ERN2: variants seen among roughly 807,000 people sequenced by gnomAD.
The protein encoded by ERN2 is endoplasmic reticulum to nucleus signaling 2, also known as serine/threonine-protein kinase/endoribonuclease IRE2.
Under a neutral mutation model 107.9 loss-of-function variants are expected in ERN2, and 111 were observed. The ratio of observed to expected loss-of-function variants is 1.03; its 90% CI spans 0.88 to 1.20. The LOEUF (loss-of-function observed/expected upper bound fraction) is 1.20, where lower values mean the gene tolerates loss of function less well. ERN2 is among the 50% of genes most tolerant of loss of function. ERN2 has a pLI of 0.00. For missense variants in ERN2, 1,225 were observed against 1,197.9 expected, an observed-to-expected ratio of 1.02 and a Z score of -0.33; for synonymous variants, 524 against 501.7, an observed-to-expected ratio of 1.04 and a Z score of -0.59.
chr16:23,696,263 G>A (rs1286756496), intron 13 of ERN2, among the ~76,000 whole-genome samples: 1 of 152,190 alleles, frequency 6.6e-6, no homozygotes, highest in Non-Finnish European at 1.5e-5. Context: ...ATTATTGTGA[G>A]GATTAAATGG....
intron 13 of ERN2, 48 bp from the exon 14 acceptor site, chr16:23,696,026 CCGGCCA>C: frequency 7.0e-7 from 1 of 1,431,936 alleles, no homozygotes. Context: ...CCCACCTTTG[CCGGCCA>C]CTGGCCCAGT....
Position 23,692,201 on chromosome 16 carries a change from A to G in ERN2, c.2231T>C (p.Leu744Pro). The change falls in exon 18 of 22, where the codon CTG (leucine) becomes CCG (proline). Residue 744 changes from leucine (L) to proline (P), a missense_variant. By Grantham distance (98) the Leu-to-Pro change is moderately conservative. Coordinates refer to ENST00000256797, the MANE Select transcript of ERN2 (RefSeq NM_033266.4). Reference sequence around the variant, plus strand: ...TCCCTCACCGTGGACCTCTTCCTCCAGGTGAGCCAGACAGGGAGCCCCTGT... The same window carrying G: ...TCCCTCACCGTGGACCTCTTCCTCCGGGTGAGCCAGACAGGGAGCCCCTGT... ...ILTGAPCLAHLEEEVHDKVVA... is the reference protein window; with the variant it reads ...ILTGAPCLAHPEEEVHDKVVA... 1 of 1,614,104 alleles carries G rather than the reference A, an allele frequency of 6.2e-7. No homozygotes were observed. Among genetic ancestry groups the G allele is most frequent in the South Asian group, 1.1e-5 (1 of 91,080 alleles).
intron 8 of ERN2, among the ~76,000 whole-genome samples, chr16:23,704,095 C>A (rs1032368875): frequency 6.6e-6 from 1 of 152,146 alleles, no homozygotes; most frequent in African/African-American, 2.4e-5. Context: ...AATAGATGAT[C>A]CCTGATTTTC....
chr16:23,700,554 G>A lies in ERN2; in HGVS notation c.1510C>T (p.Leu504Phe), dbSNP rs56001432. 4 of 1,613,066 alleles carry A rather than the reference G, an allele frequency of 2.5e-6. No individual in the cohort carries two copies. The highest frequency in any genetic ancestry group is 2.5e-6 in the Non-Finnish European group (3 of 1,179,514). Residue 504 changes from leucine (L) to phenylalanine (F), a missense_variant, in exon 13 of 22, where the codon CTC becomes TTC. Transcript: ENST00000256797. ...LQSPSKQAQP[L>F]DDPEAEQLTV... ...ACAGGCTCACCTTCAGGGTCGTCGA[G>A]TGGCTGGGCTTGCTTTGAGGGACTC... is the stretch of plus-strand genomic sequence containing the variant.
intron 11 of ERN2, among the ~76,000 whole-genome samples, chr16:23,701,656 A>G (rs563370747): frequency 7.2e-6 from 1 of 138,308 alleles, no homozygotes; most frequent in East Asian, 2.1e-4. Flanking sequence ...TTTTTTTTTG[A>G]GACAGGGTCT....
chr16:23,705,955 G>A (rs375622721), intron 7 of ERN2, among the ~76,000 whole-genome samples: 2 of 152,152 alleles, frequency 1.3e-5, no homozygotes, highest in African/African-American at 4.8e-5. Flanking sequence ...CTGGGGAGTC[G>A]GTCTATGGAA....
At position 23,711,011 on chromosome 16, in the gene ERN2, G is replaced by C; in HGVS notation, c.101C>G (p.Thr34Ser). ...LLGTLSPQVHTLRPENLLLVS... is the reference protein window; with the variant it reads ...LLGTLSPQVHSLRPENLLLVS... ...CAGCAGGAGGTTCTCTGGCCTGAGA[G>C]TATGAACCTGCAAGGGGGTAGAGAC... Residue 34 changes from threonine (T) to serine (S), a missense_variant, in exon 2 of 22, where the codon ACT (threonine) becomes AGT (serine). Transcript: ENST00000256797. 1.2e-6 allele frequency: 2 copies of C among 1,612,326 alleles called. No homozygotes were observed. Among genetic ancestry groups the C allele is most frequent in the Non-Finnish European group, 1.7e-6 (2 of 1,178,374 alleles).
Position 23,691,152 on chromosome 16 carries a change from G to C in ERN2, c.2545C>G (p.Leu849Val). 6.2e-7 allele frequency: 1 copy of C among 1,614,076 alleles called. No individual in the cohort carries two copies. The highest frequency in any genetic ancestry group is 8.5e-7 in the Non-Finnish European group (1 of 1,180,014). Residue 849 changes from leucine to valine, a missense_variant, in exon 21 of 22, where the codon CTG (leucine) becomes GTG (valine). By Grantham distance (32) the Leu-to-Val change is conservative (BLOSUM62 1). Coordinates refer to ENST00000256797, the MANE Select transcript of ERN2 (RefSeq NM_033266.4). Reference protein sequence around the residue: ...RSYKGTSVRDLLRAVRNKKHH... With the variant: ...RSYKGTSVRDVLRAVRNKKHH... ...ACCTTGTTCCTCACAGCACGGAGCA[G>C]GTCTCGCACTGATGTCCCCTTATAG...
At position 23,700,337 on chromosome 16, in the gene ERN2, CA is replaced by C. The variant is rs540553698; in HGVS notation, c.1525+201del. On this transcript the variant is annotated intron_variant, in intron 13 of 21. Transcript: ENST00000256797. ...GGGCAACAGAGCAAGATCCTGTCTCCAAAAAAATAATGATGAAAAAATGACA... is the reference window on the plus strand; with the variant it reads ...GGGCAACAGAGCAAGATCCTGTCTCCAAAAAATAATGATGAAAAAATGACA... Among the ~76,000 whole-genome samples, 753 of 151,848 alleles carry C rather than the reference CA, an allele frequency of 5.0e-3. 5 individuals are homozygous for C. Among genetic ancestry groups the C allele is most frequent in the Non-Finnish European group, 6.7e-3 (457 of 67,920 alleles).
chr16:23,712,906 T>C (rs1003845253), intron 1 of ERN2, 189 bp downstream of exon 1: 14 of 541,606 alleles, frequency 2.6e-5, no homozygotes, highest in East Asian at 1.0e-4. Context: ...TAGGTATTTG[T>C]TGGGGGCAAC....
intron 19 of ERN2, 119 bp from the exon 20 acceptor site, chr16:23,691,544 T>A: frequency 8.1e-7 from 1 of 1,234,008 alleles, no homozygotes; most frequent in Non-Finnish European, 1.1e-6. Context: ...TCTGGGGGCG[T>A]GAAGCTTCTC....
Position 23,694,913 on chromosome 16 carries a change from T to A in ERN2, c.1915A>T (p.Lys639Ter), listed in dbSNP as rs766820379. ...HSLHIVHRDL[K>*]PGNILITGPD... ...CCGGTGATGAGAATATTTCCTGGCT[T>A]CAGGTCCCGGTGCACTGTGGGAGAG... Residue 639 changes from lysine to a stop codon, truncating the protein, a stop_gained, in exon 17 of 22, where the codon AAG (lysine) becomes TAG (stop). Transcript: ENST00000256797. LOFTEE classifies it high-confidence loss of function. 6.2e-7 allele frequency: 1 copy of A among 1,614,180 alleles called. No homozygotes were observed. The highest frequency in any genetic ancestry group is 1.1e-5 in the South Asian group (1 of 91,080).
At chr16:23,706,516 G>C in intron 6 of ERN2, 85 bp from the exon 7 acceptor site, 1 of 1,015,632 alleles carries the variant, frequency 9.8e-7, no homozygotes, top group Non-Finnish European at 1.5e-6. Flanking sequence ...GCAGGAGTGG[G>C]GGTTTCCTGA....
intron 7 of ERN2, 105 bp downstream of exon 7, chr16:23,706,225 T>G: frequency 2.7e-6 from 2 of 752,566 alleles, no homozygotes; most frequent in South Asian, 3.9e-5. Context: ...CCTGGGGAGG[T>G]CAAGTGGGTC....
chr16:23,702,475 G>C lies in ERN2; in HGVS notation c.996C>G (p.Val332=). The part of the protein sequence containing the change: ...GPTTDEVTLQ[V]SGEREGSPST... Reference sequence around the variant, plus strand: ...TGGGTGAGCCCTCTCGCTCTCCTGAGACTTGGAGTGTCACCTCATCTGTGG... The same window carrying C: ...TGGGTGAGCCCTCTCGCTCTCCTGACACTTGGAGTGTCACCTCATCTGTGG... The change falls in exon 10 of 22, where the codon GTC becomes GTG. Residue 332 remains valine, a synonymous_variant. Coordinates refer to ENST00000256797, the MANE Select transcript of ERN2 (RefSeq NM_033266.4). The C allele has an allele frequency of 6.2e-7, 1 of 1,613,632 alleles. No individual in the cohort carries two copies. Among genetic ancestry groups the C allele is most frequent in the Admixed American group, 1.7e-5 (1 of 60,030 alleles).
chr16:23,713,000 C>G, intron 1 of ERN2, 95 bp downstream of exon 1: 1 of 942,974 alleles, frequency 1.1e-6, no homozygotes, highest in Non-Finnish European at 1.5e-6. Context: ...AGAGGTGCCC[C>G]CGTGGCCCCG....
chr16:23,692,257 T>A lies in ERN2; in HGVS notation c.2175A>T (p.Gly725=), dbSNP rs1188327374. 1.2e-6 allele frequency: 2 copies of A among 1,614,088 alleles called. No individual in the cohort carries two copies. Among genetic ancestry groups the A allele is most frequent in the South Asian group, 2.2e-5 (2 of 91,080 alleles). Residue 725 remains glycine, a synonymous_variant, in exon 18 of 22, where the codon GGA becomes GGT. Coordinates refer to ENST00000256797, the MANE Select transcript of ERN2 (RefSeq NM_033266.4). ...YVLSGGSHPF[G]DSLYRQANIL... ...TGTTTGCCTGGCGATAAAGACTGTC[T>A]CCAAAGGGGTGGCTGCCACCAGAAA...
At chr16:23,694,975 AG>A (rs769955300) in intron 16 of ERN2, 43 bp downstream of exon 16, 19 of 1,613,326 alleles carry the variant, frequency 1.2e-5, no homozygotes, top group Non-Finnish European at 1.4e-5. Context: ...GGCGGAAGGC[AG>A]GGGCTAAGGA....
rs1383287139 is a variant in ERN2 at position 23,702,175 on chromosome 16, G to T, written c.1180C>A (p.Gln394Lys). The T allele has an allele frequency of 6.2e-7, 1 of 1,613,874 alleles. No individual in the cohort carries two copies. The highest frequency in any genetic ancestry group is 1.3e-5 in the African/African-American group (1 of 74,914). ...ACCTCCAAGAAGAAGGCTGGGGCCT[G>T]GGTATTCTCTGGAGGTCTTGTCTCT... ...TAETRPPENT[Q>K]APAFFLELLS... The change falls in exon 11 of 22, where the codon CAG (glutamine) becomes AAG (lysine). Residue 394 changes from glutamine (Q) to lysine (K), a missense_variant. Gln to Lys is a moderately conservative substitution (Grantham distance 53). Transcript: ENST00000256797.
Sources: allele counts gnomAD v4.1 joint callset (sites outside exome capture counted in the v4.1 genomes callset), GRCh38; gene constraint gnomAD v4.1.1; transcripts MANE v1.5; gene names NCBI Gene and HGNC (gene_info 2026-07-23, HGNC 2026-07-21).